GNAO1: variants seen among roughly 807,000 people sequenced by gnomAD.
The protein encoded by GNAO1 is guanine nucleotide-binding protein G(o) subunit alpha.
For synonymous variants in GNAO1, 164 were observed against 180.7 expected, an observed-to-expected ratio of 0.91 and a Z score of 0.74; for missense variants, 166 against 478.7, an observed-to-expected ratio of 0.35 and a Z score of 6.10.
intron 2 of GNAO1, among the ~76,000 whole-genome samples, chr16:56,257,944 G>A (rs1324996400): frequency 1.3e-5 from 2 of 152,226 alleles, no homozygotes; most frequent in African/African-American, 4.8e-5. Context: ...AGGCAGACCA[G>A]CATGTCCGAT....
chr16:56,348,112 A>AT, intron 6 of GNAO1: 1 of 971,818 alleles, frequency 1.0e-6, no homozygotes, highest in Non-Finnish European at 1.2e-6. Context: ...TGTTGGTTTA[A>AT]TAAATCTCTA....
rs896611681 is a variant in GNAO1, at chr16:56,354,474, G to A, written c.878-392G>A. Among the ~76,000 whole-genome samples, 10 of 152,124 alleles carry A rather than the reference G, an allele frequency of 6.6e-5. No homozygotes were observed. The highest frequency in any genetic ancestry group is 2.0e-4 in the Admixed American group (3 of 15,280). On this transcript the variant is annotated intron_variant, in intron 7 of 8. Coordinates refer to ENST00000262493, the MANE Select transcript of GNAO1 (RefSeq NM_020988.3). This position sits in a 1 kb window ranked among gnomAD's most constrained non-coding sequence, Gnocchi z 4.3. ...GTGGATCACCTGAGGTCAGGAGTTC[G>A]AGACCAACCTGGCCAACATGGTGAA...
Position 56,351,530 on chromosome 16 carries a change from A to T in GNAO1, c.870A>T (p.Glu290Asp). 2 of 1,612,210 alleles carry T rather than the reference A, an allele frequency of 1.2e-6. No individual in the cohort carries two copies. Among genetic ancestry groups the T allele is most frequent in the Non-Finnish European group, 1.7e-6 (2 of 1,179,374 alleles). ...CACCTTTGACCATCTGCTTTCCTGA[A>T]TACACAGGTGGGTGCCAGGCAGTCC... ...KKSPLTICFP[E>D]YTGPNTYEDA... is the part of the protein sequence containing the mutation. The change falls in exon 7 of 9, where the codon GAA becomes GAT. Residue 290 changes from glutamate to aspartate, a missense_variant. Transcript: ENST00000262493. The surrounding 1 kb of genome is among the most constrained non-coding windows in gnomAD (Gnocchi z 6.1).
chr16:56,354,539 G>A lies in GNAO1; in HGVS notation c.878-327G>A, dbSNP rs1208896065. On this transcript the variant is annotated intron_variant, in intron 7 of 8. Transcript: ENST00000262493. This position sits in a 1 kb window ranked among gnomAD's most constrained non-coding sequence, Gnocchi z 4.3. ...AAAAATACAAAAATTAGCTGGGCGT[G>A]GTGGCACGCGCCTGTATTACCAGCT... Among the ~76,000 whole-genome samples, 1 of 152,190 alleles carries A rather than the reference G, an allele frequency of 6.6e-6. No individual in the cohort carries two copies. Among genetic ancestry groups the A allele is most frequent in the Non-Finnish European group, 1.5e-5 (1 of 68,042 alleles).
intron 2 of GNAO1, among the ~76,000 whole-genome samples, chr16:56,262,605 A>G (rs1182203574): frequency 1.3e-5 from 2 of 152,132 alleles, no homozygotes; most frequent in Non-Finnish European, 2.9e-5. Flanking sequence ...GTACTTGCGC[A>G]TTCTCCACAA....
chr16:56,222,742 C>T (rs1190004303), intron 2 of GNAO1, among the ~76,000 whole-genome samples: 2 of 152,084 alleles, frequency 1.3e-5, no homozygotes, highest in Non-Finnish European at 1.5e-5. Context: ...AACCCAGGGG[C>T]GACAGATCCT....
At chr16:56,296,086 C>T (rs528319061) in intron 3 of GNAO1, among the ~76,000 whole-genome samples, 2 of 152,186 alleles carry the variant, frequency 1.3e-5, no homozygotes, top group Non-Finnish European at 2.9e-5. Context: ...AAGCCAATTA[C>T]TGATTTCCTG....
At chr16:56,342,848 CACA>C (rs1322115293) in intron 6 of GNAO1, among the ~76,000 whole-genome samples, 6 of 152,214 alleles carry the variant, frequency 3.9e-5, no homozygotes, top group Non-Finnish European at 7.3e-5. Flanking sequence ...CATGGTGGCT[CACA>C]CCTGTAATCC....
intron 3 of GNAO1, among the ~76,000 whole-genome samples, chr16:56,286,191 G>A (rs1007089231): frequency 6.6e-5 from 10 of 152,212 alleles, no homozygotes; most frequent in East Asian, 1.9e-4. Context: ...CCATCCTCCC[G>A]CTACACACAT....
intron 2 of GNAO1, among the ~76,000 whole-genome samples, chr16:56,214,496 G>T (rs1487188347): frequency 6.6e-6 from 1 of 152,196 alleles, no homozygotes; most frequent in Non-Finnish European, 1.5e-5. Context: ...AGGACAAAAG[G>T]TTCCTAACAC....
chr16:56,328,024 G>A (rs1424896159), intron 3 of GNAO1, among the ~76,000 whole-genome samples: 2 of 152,154 alleles, frequency 1.3e-5, no homozygotes, highest in African/African-American at 4.8e-5. Flanking sequence ...TTTGCCATCT[G>A]CACTAACTTG....
chr16:56,225,785 C>T (rs991882240), intron 2 of GNAO1, among the ~76,000 whole-genome samples: 10 of 151,988 alleles, frequency 6.6e-5, no homozygotes, highest in South Asian at 2.1e-4. Context: ...TTCATGAAGA[C>T]GGAGAAACAC....
At chr16:56,334,600 G>T in intron 4 of GNAO1, 129 bp from the exon 5 acceptor site, 2 of 942,418 alleles carry the variant, frequency 2.1e-6, no homozygotes, top group Non-Finnish European at 3.2e-6. Flanking sequence ...TGGAATGGAG[G>T]TGATGTCTTT....
chr16:56,222,266 G>A (rs2036496937), intron 2 of GNAO1, among the ~76,000 whole-genome samples: 2 of 152,154 alleles, frequency 1.3e-5, no homozygotes, highest in Admixed American at 6.5e-5. Context: ...TCACAGCTCT[G>A]GAGGGCAAGT....
chr16:56,235,793 A>G (rs2036632288), intron 2 of GNAO1, among the ~76,000 whole-genome samples: 1 of 152,184 alleles, frequency 6.6e-6, no homozygotes, highest in Non-Finnish European at 1.5e-5. Flanking sequence ...TTGGATTAAG[A>G]TGAATATGCA....
chr16:56,206,947 T>G (rs1436406591), intron 2 of GNAO1, among the ~76,000 whole-genome samples: 1 of 152,244 alleles, frequency 6.6e-6, no homozygotes, highest in East Asian at 1.9e-4. Context: ...TTTACCTAGC[T>G]TTTCCTTCAA....
chr16:56,331,173 C>T (rs1469455399), intron 4 of GNAO1, among the ~76,000 whole-genome samples: 3 of 152,188 alleles, frequency 2.0e-5, no homozygotes, highest in Admixed American at 2.0e-4. Context: ...CACTTCTCTG[C>T]CCAGCCCTTT....
At chr16:56,342,911 G>A (rs1273676239) in intron 6 of GNAO1, among the ~76,000 whole-genome samples, 1 of 151,532 alleles carries the variant, frequency 6.6e-6, no homozygotes, top group Admixed American at 6.6e-5. Flanking sequence ...TCAGGAGTTC[G>A]AGAACAGCCT....
intron 2 of GNAO1, among the ~76,000 whole-genome samples, chr16:56,208,307 T>G (rs945023618): frequency 1.3e-5 from 2 of 152,192 alleles, no homozygotes; most frequent in African/African-American, 4.8e-5. Context: ...CTATATAGTA[T>G]TCTTTGTTAC....
Sources: gnomAD v4.1 joint callset for allele counts (sites outside exome capture counted in the v4.1 genomes callset) on GRCh38, gnomAD v4.1.1 for gene constraint, Gnocchi (gnomAD v3.1) non-coding constraint, MANE v1.5 for transcripts, NCBI Gene and HGNC (gene_info 2026-07-23, HGNC 2026-07-21) for gene names.